The following PHACTR1 variants were observed in gnomAD, a reference collection of about 807,000 sequenced individuals.
PHACTR1 encodes RPEL repeat containing 1.
In PHACTR1, 16 loss-of-function variants were observed where a neutral mutation model predicts 69.2. The observed-to-expected ratio is 0.23, with a 90% CI of 0.16 to 0.35. PHACTR1 has a LOEUF of 0.35. Ranked by LOEUF, PHACTR1 falls within the 10% of genes least tolerant of loss-of-function variation. The pLI, the probability that PHACTR1 is intolerant of heterozygous loss-of-function variation, is 1.00. For missense variants in PHACTR1, 510 were observed against 734.7 expected, an observed-to-expected ratio of 0.69 and a Z score of 3.54; for synonymous variants, 312 against 284.5, an observed-to-expected ratio of 1.10 and a Z score of -0.97.
chr6:12,956,343 G>T (rs1019600533), intron 4 of PHACTR1, among the ~76,000 whole-genome samples: 1 of 152,170 alleles, frequency 6.6e-6, no homozygotes, highest in Admixed American at 6.5e-5. Context: ...TACCCTCATT[G>T]ATTGCCACTT....
intron 8 of PHACTR1, among the ~76,000 whole-genome samples, chr6:13,209,229 G>A (rs1766420924): frequency 1.3e-5 from 2 of 151,962 alleles, no homozygotes; most frequent in Non-Finnish European, 2.9e-5. Context: ...AGTGTAGGGA[G>A]GGAATCACCA....
intron 4 of PHACTR1, chr6:12,957,973 A>G: frequency 1.0e-6 from 1 of 985,442 alleles, no homozygotes; most frequent in Non-Finnish European, 1.2e-6. Flanking sequence ...GCTATTGGAA[A>G]GCCAGGAAAC....
At chr6:12,966,523 A>C (rs1017521870) in intron 4 of PHACTR1, among the ~76,000 whole-genome samples, 2 of 152,214 alleles carry the variant, frequency 1.3e-5, no homozygotes, top group Middle Eastern at 3.2e-3. Context: ...AATGTTAATG[A>C]TACCTGACCT....
chr6:12,753,973 T>A (rs1456870004), intron 4 of PHACTR1, among the ~76,000 whole-genome samples: 5 of 145,504 alleles, frequency 3.4e-5, no homozygotes, highest in Admixed American at 6.8e-5. Context: ...TATATATATT[T>A]TTTTTTTGAG....
At chr6:13,272,956 C>A (rs777466815) in intron 11 of PHACTR1, 41 bp downstream of exon 11, 1 of 1,609,356 alleles carries the variant, frequency 6.2e-7, no homozygotes, top group Non-Finnish European at 8.5e-7. Flanking sequence ...TGTTTTGTGG[C>A]GGCTTTTGTT....
intron 10 of PHACTR1, among the ~76,000 whole-genome samples, chr6:13,241,174 G>C (rs1772783958): frequency 1.3e-5 from 2 of 152,162 alleles, no homozygotes; most frequent in South Asian, 4.1e-4. Context: ...TGTACTCAAG[G>C]GAGAGATAAG....
At chr6:13,210,897 A>G (rs573755450) in intron 8 of PHACTR1, among the ~76,000 whole-genome samples, 25 of 126,548 alleles carry the variant, frequency 2.0e-4, no homozygotes, top group Non-Finnish European at 3.3e-4. Context: ...TTGGAAGATG[A>G]TGGTTTATCA....
chr6:13,183,685 G>A (rs557780687), intron 7 of PHACTR1, among the ~76,000 whole-genome samples: 1 of 152,234 alleles, frequency 6.6e-6, no homozygotes, highest in Non-Finnish European at 1.5e-5. Flanking sequence ...AGGCGGTGGC[G>A]GGAGGTGAGA....
intron 5 of PHACTR1, among the ~76,000 whole-genome samples, chr6:13,129,333 G>T (rs1056459713): frequency 3.3e-5 from 5 of 151,986 alleles, no homozygotes; most frequent in African/African-American, 1.2e-4. Context: ...GAATGTAAAT[G>T]GCCTAAATGC....
At chr6:12,993,901 A>G (rs764194326) in intron 4 of PHACTR1, among the ~76,000 whole-genome samples, 1 of 152,214 alleles carries the variant, frequency 6.6e-6, no homozygotes, top group Non-Finnish European at 1.5e-5. Context: ...GTATAAACTC[A>G]CAATGAAAAA....
chr6:12,983,916 C>G (rs1303850907), intron 4 of PHACTR1, among the ~76,000 whole-genome samples: 2 of 152,186 alleles, frequency 1.3e-5, no homozygotes, highest in African/African-American at 4.8e-5. Flanking sequence ...ATGGTGTATA[C>G]ATGCCACATT....
chr6:13,165,063 G>T (rs1157398822), intron 6 of PHACTR1, among the ~76,000 whole-genome samples: 1 of 152,032 alleles, frequency 6.6e-6, no homozygotes, highest in African/African-American at 2.4e-5. Context: ...ATATATTGAG[G>T]CCAGGTAAGA....
chr6:13,113,307 A>G (rs1453835303), intron 5 of PHACTR1, among the ~76,000 whole-genome samples: 1 of 152,214 alleles, frequency 6.6e-6, no homozygotes, highest in Non-Finnish European at 1.5e-5. Flanking sequence ...TAACCATTAA[A>G]TAAATTGAAT....
At chr6:12,950,453 T>G (rs7757180) in intron 4 of PHACTR1, among the ~76,000 whole-genome samples, 14,533 of 152,156 alleles carry the variant, frequency 0.096, 1,669 homozygotes, top group African/African-American at 0.28. Context: ...CACTTGATGG[T>G]GGAGTGGTAG....
At chr6:12,771,871 G>C (rs1769432677) in intron 4 of PHACTR1, among the ~76,000 whole-genome samples, 2 of 152,162 alleles carry the variant, frequency 1.3e-5, no homozygotes. Flanking sequence ...GCAAGACTGG[G>C]GGAAGGGGTG....
intron 4 of PHACTR1, among the ~76,000 whole-genome samples, chr6:12,832,996 T>G (rs1250844267): frequency 6.6e-6 from 1 of 152,106 alleles, no homozygotes; most frequent in Non-Finnish European, 1.5e-5. Context: ...TAGCAATGGT[T>G]CCAAATTTGG....
chr6:13,157,788 G>A (rs1040451792), intron 5 of PHACTR1, among the ~76,000 whole-genome samples: 4 of 152,152 alleles, frequency 2.6e-5, no homozygotes, highest in Non-Finnish European at 5.9e-5. Context: ...CCAAACATCT[G>A]TAACAAACCC....
chr6:13,286,255 T>TC (rs1272200922), intron 14 of PHACTR1, 33 bp downstream of exon 14: 7 of 1,502,156 alleles, frequency 4.7e-6, no homozygotes, highest in African/African-American at 4.2e-5. Flanking sequence ...TTCCTTTTTT[T>TC]CCCTCAAGTT....
At chr6:12,862,360 C>G (rs1781026709) in intron 4 of PHACTR1, among the ~76,000 whole-genome samples, 1 of 152,102 alleles carries the variant, frequency 6.6e-6, no homozygotes, top group Admixed American at 6.6e-5. Context: ...ACTGAGACAT[C>G]AGGAAGAAAT....
Sources: gnomAD v4.1 joint callset for allele counts (sites outside exome capture counted in the v4.1 genomes callset) on GRCh38, gnomAD v4.1.1 for gene constraint, MANE v1.5 for transcripts, NCBI Gene and HGNC (gene_info 2026-07-23, HGNC 2026-07-21) for gene names.